Variants in OMA1 observed in about 807,000 individuals in gnomAD.
OMA1 encodes OMA1 zinc metallopeptidase.
OMA1 carries 38 observed loss-of-function variants against 30.9 expected under a neutral mutation model. The observed-to-expected ratio is 1.23, with a 90% CI of 0.95 to 1.61. OMA1 has a LOEUF of 1.61. OMA1 is among the 40% of genes most tolerant of loss of function. The pLI, the probability that OMA1 is intolerant of heterozygous loss-of-function variation, is 0.00. For synonymous variants in OMA1, 173 were observed against 121.9 expected (o/e 1.42, Z -2.76); for missense variants, 461 against 349.2 (o/e 1.32, Z -2.55).
At chr1:58,542,612 T>C (rs750816717) in intron 1 of OMA1, 1 of 152,036 alleles carries the variant, frequency 6.6e-6, no homozygotes, top group Non-Finnish European at 1.5e-5. Flanking sequence ...AATGGGAAAG[T>C]GTTTTAAGGT....
At chr1:58,490,496 G>T (rs1422459706) in intron 8 of OMA1, among the ~76,000 whole-genome samples, 1 of 152,166 alleles carries the variant, frequency 6.6e-6, no homozygotes, top group Non-Finnish European at 1.5e-5. Context: ...AGGGAGAATG[G>T]AACCAAGTTG....
At chr1:58,495,236 AG>A (rs1420953441) in intron 8 of OMA1, among the ~76,000 whole-genome samples, 1 of 152,130 alleles carries the variant, frequency 6.6e-6, no homozygotes, top group African/African-American at 2.4e-5. Context: ...ACATGGACAC[AG>A]GAAGGGGAAC....
At chr1:58,500,326 G>A (rs979761703) in intron 8 of OMA1, among the ~76,000 whole-genome samples, 1 of 152,104 alleles carries the variant, frequency 6.6e-6, no homozygotes, top group Non-Finnish European at 1.5e-5. Flanking sequence ...ATGAAATTCT[G>A]TAAGGTGAAC....
At chr1:58,535,306 T>TA (rs1646498684) in intron 3 of OMA1, among the ~76,000 whole-genome samples, 1 of 152,082 alleles carries the variant, frequency 6.6e-6, no homozygotes, top group Non-Finnish European at 1.5e-5. Context: ...TTTTTTCACT[T>TA]AAGAATCAAC....
intron 8 of OMA1, among the ~76,000 whole-genome samples, chr1:58,485,966 G>A (rs1645569966): frequency 6.6e-6 from 1 of 152,200 alleles, no homozygotes; most frequent in Admixed American, 6.5e-5. Flanking sequence ...ATGGTTCTGA[G>A]AATCCTGAGG....
chr1:58,481,163 A>C lies in OMA1; in HGVS notation c.1377T>G (p.Ile459Met). 2 of 841,300 alleles carry C rather than the reference A, an allele frequency of 2.4e-6. No individual in the cohort carries two copies. The highest frequency in any genetic ancestry group is 4.1e-6 in the Non-Finnish European group (2 of 488,006). 52.1% of individuals were successfully genotyped at this position (841,300 alleles called of 1,614,324 possible). A position where few individuals can be genotyped will look rare whatever the true frequency, so the allele number is the denominator to read the frequency against. ...LDRLIPQALK[I>M]REMCNCPPLS... ...GTGGTGGACAATTACACATCTCTCT[A>C]ATTTTGAGAGCCTATAAAGAAATAA... is the stretch of plus-strand genomic sequence containing the variant. Residue 459 changes from isoleucine (I) to methionine (M), a missense_variant, in exon 9 of 9, where the codon ATT becomes ATG. Coordinates refer to ENST00000371226, the MANE Select transcript of OMA1 (RefSeq NM_145243.5).
At chr1:58,511,587 T>C (rs1409607389) in intron 7 of OMA1, among the ~76,000 whole-genome samples, 17 of 151,848 alleles carry the variant, frequency 1.1e-4, no homozygotes, top group Non-Finnish European at 2.9e-5. Flanking sequence ...TGTGATCACA[T>C]CACTGCACTC....
intron 6 of OMA1, 45 bp from the exon 7 acceptor site, chr1:58,527,380 A>T: frequency 1.2e-6 from 1 of 851,054 alleles, no homozygotes; most frequent in South Asian, 1.3e-5. Flanking sequence ...AATTTATTTC[A>T]CGAAAAAAGG....
intron 7 of OMA1, among the ~76,000 whole-genome samples, chr1:58,518,488 A>C (rs1445274300): frequency 6.6e-6 from 1 of 151,894 alleles, no homozygotes; most frequent in Non-Finnish European, 1.5e-5. Context: ...GAGTCAATGA[A>C]AGCTATCATG....
At chr1:58,534,990 T>C (rs1392282652) in intron 3 of OMA1, among the ~76,000 whole-genome samples, 2 of 152,064 alleles carry the variant, frequency 1.3e-5, no homozygotes, top group African/African-American at 4.8e-5. Flanking sequence ...TTCATCTAAG[T>C]AAAATACAAA....
chr1:58,515,220 C>A (rs1418249380), intron 7 of OMA1, among the ~76,000 whole-genome samples: 1 of 152,114 alleles, frequency 6.6e-6, no homozygotes, highest in Non-Finnish European at 1.5e-5. Context: ...CAACTAAATG[C>A]AACATAATCT....
intron 7 of OMA1, among the ~76,000 whole-genome samples, chr1:58,515,549 TCTGGGTGATAAAATTAAGTTC>T (rs1269247844): frequency 6.6e-6 from 1 of 152,236 alleles, no homozygotes; most frequent in African/African-American, 2.4e-5. Context: ...GTCTCATTTT[TCTGGGTGATAAAATTAAGTTC>T]CAAATAATGT....
At chr1:58,506,002 C>T (rs1034184616) in intron 8 of OMA1, 58 bp downstream of exon 8, 1 of 782,766 alleles carries the variant, frequency 1.3e-6, no homozygotes, top group Non-Finnish European at 2.2e-6. Context: ...GAAGTGACAG[C>T]ATTAAAAATA....
Position 58,506,158 on chromosome 1 carries a change from CGAACTCCA to C in OMA1, c.1259_1266del (p.Met420SerfsTer2). ...TTGGGTTGGCCATGCAGGCTATCAA[CGAACTCCA>C]TTTGCTGCCAAAACACTGAACTGGC... is the stretch of plus-strand genomic sequence containing the variant. On this transcript the variant is annotated frameshift_variant, in exon 8 of 9. Transcript: ENST00000371226. LOFTEE classifies it high-confidence loss of function. The C allele has an allele frequency of 1.1e-6, 1 of 872,282 alleles. No individual in the cohort carries two copies. The highest frequency in any genetic ancestry group is 2.0e-6 in the Non-Finnish European group (1 of 501,204). 54.0% of individuals were successfully genotyped at this position (872,282 alleles called of 1,614,324 possible).
At chr1:58,487,302 GTTT>G (rs1447066702) in intron 8 of OMA1, among the ~76,000 whole-genome samples, 1 of 152,198 alleles carries the variant, frequency 6.6e-6, no homozygotes, top group African/African-American at 2.4e-5. Flanking sequence ...TTCCTCTTCT[GTTT>G]TAATAGCTTT....
intron 8 of OMA1, among the ~76,000 whole-genome samples, chr1:58,505,760 T>C (rs560521427): frequency 6.6e-6 from 1 of 152,320 alleles, no homozygotes; most frequent in South Asian, 2.1e-4. Context: ...TTTAAAAAAC[T>C]TAATATGCCT....
At chr1:58,520,062 A>G (rs1646238141) in intron 7 of OMA1, among the ~76,000 whole-genome samples, 1 of 152,186 alleles carries the variant, frequency 6.6e-6, no homozygotes, top group African/African-American at 2.4e-5. Context: ...ACATGGACAC[A>G]AAGATGGGAA....
chr1:58,532,173 G>A (rs940049090), intron 5 of OMA1, among the ~76,000 whole-genome samples: 2 of 151,964 alleles, frequency 1.3e-5, no homozygotes, highest in African/African-American at 2.4e-5. Flanking sequence ...AAACATAAAC[G>A]CCTAGATAAA....
intron 7 of OMA1, 59 bp from the exon 8 acceptor site, chr1:58,506,268 C>A (rs11207245): frequency 0.25 from 196,682 of 772,614 alleles, 27,018 homozygotes; most frequent in African/African-American, 0.42. Context: ...TTTTTAAAAA[C>A]TACTACTTTA....
Sources: gnomAD v4.1 joint callset for allele counts (sites outside exome capture counted in the v4.1 genomes callset) on GRCh38, gnomAD v4.1.1 for gene constraint, MANE v1.5 for transcripts, NCBI Gene and HGNC (gene_info 2026-07-23, HGNC 2026-07-21) for gene names.